The following EPS15 variants were observed in gnomAD, a reference collection of about 807,000 sequenced individuals.
EPS15 encodes the protein epidermal growth factor receptor substrate 15.
Under a neutral mutation model 113.8 loss-of-function variants are expected in EPS15, and 72 were observed. The observed-to-expected ratio is 0.63, with a 90% CI of 0.52 to 0.77. The LOEUF is 0.77. EPS15 is among the 30% of genes least tolerant of loss of function. The pLI, the probability that EPS15 is intolerant of heterozygous loss-of-function variation, is 0.00. For synonymous variants in EPS15, 344 were observed against 363.4 expected (o/e 0.95, Z 0.61); for missense variants, 1,048 against 1,045.8 (o/e 1.00, Z -0.03).
intron 5 of EPS15, among the ~76,000 whole-genome samples, chr1:51,465,767 C>T (rs1261450344): frequency 1.3e-5 from 2 of 151,920 alleles, no homozygotes; most frequent in Non-Finnish European, 2.9e-5. Context: ...TGCACGTAGG[C>T]AACAAATCCC....
intron 21 of EPS15, among the ~76,000 whole-genome samples, chr1:51,382,815 G>A (rs1646972691): frequency 6.6e-6 from 1 of 152,154 alleles, no homozygotes; most frequent in African/African-American, 2.4e-5. Flanking sequence ...AACATTTAAA[G>A]TATAATCAAA....
intron 12 of EPS15, among the ~76,000 whole-genome samples, chr1:51,434,954 G>A (rs1183212078): frequency 6.6e-6 from 1 of 152,052 alleles, no homozygotes; most frequent in East Asian, 1.9e-4. Context: ...TTACAGGCAT[G>A]AGCCACTGTG....
At chr1:51,426,738 G>C (rs913130262) in intron 12 of EPS15, among the ~76,000 whole-genome samples, 1 of 151,362 alleles carries the variant, frequency 6.6e-6, no homozygotes, top group African/African-American at 2.4e-5. Flanking sequence ...TCTTCACTGG[G>C]TCTCCAGCCT....
At chr1:51,365,287 G>A (rs1646484206) in intron 22 of EPS15, among the ~76,000 whole-genome samples, 1 of 152,102 alleles carries the variant, frequency 6.6e-6, no homozygotes, top group South Asian at 2.1e-4. Flanking sequence ...ATTGTGGGGG[G>A]CTAGAGAGTG....
chr1:51,437,142 A>C (rs922345188), intron 12 of EPS15, among the ~76,000 whole-genome samples: 1 of 152,176 alleles, frequency 6.6e-6, no homozygotes, highest in African/African-American at 2.4e-5. Context: ...CCAATGTCTT[A>C]TATTTTCTAC....
chr1:51,377,273 C>A (rs1212053632), intron 21 of EPS15, among the ~76,000 whole-genome samples: 1 of 152,050 alleles, frequency 6.6e-6, no homozygotes, highest in Non-Finnish European at 1.5e-5. Context: ...TCAAACAAAA[C>A]AAAACAAAAA....
chr1:51,422,285 C>T (rs1471581209), intron 12 of EPS15, among the ~76,000 whole-genome samples: 1 of 152,080 alleles, frequency 6.6e-6, no homozygotes, highest in African/African-American at 2.4e-5. Context: ...GTCAACAATA[C>T]TAAGGAAAAA....
At chr1:51,396,456 A>G (rs1198146393) in intron 20 of EPS15, among the ~76,000 whole-genome samples, 1 of 152,218 alleles carries the variant, frequency 6.6e-6, no homozygotes, top group Non-Finnish European at 1.5e-5. Flanking sequence ...GAGTGCTGAC[A>G]TGATACTCAG....
At chr1:51,408,064 T>C (rs368362560) in intron 15 of EPS15, 71 bp downstream of exon 15, 20 of 1,330,326 alleles carry the variant, frequency 1.5e-5, no homozygotes, top group African/African-American at 1.3e-4. Context: ...GGAGCAGAAG[T>C]TGGAAAGTAT....
chr1:51,398,211 G>A (rs371850840), intron 20 of EPS15, among the ~76,000 whole-genome samples: 118 of 152,132 alleles, frequency 7.8e-4, no homozygotes, highest in African/African-American at 2.7e-3. Context: ...CCACCACCGC[G>A]CCTGGCTAAT....
intron 21 of EPS15, chr1:51,372,431 C>T: frequency 1.9e-6 from 1 of 534,264 alleles, no homozygotes; most frequent in Non-Finnish European, 3.8e-6. Context: ...GTTCTGGAGT[C>T]CCTTTTGATG....
chr1:51,456,913 A>G (rs1328310105), intron 8 of EPS15, among the ~76,000 whole-genome samples: 1 of 152,208 alleles, frequency 6.6e-6, no homozygotes, highest in Non-Finnish European at 1.5e-5. Context: ...GAAAAATACC[A>G]AAACCAAAAG....
intron 21 of EPS15, among the ~76,000 whole-genome samples, chr1:51,391,113 AC>A (rs1463435002): frequency 6.6e-6 from 1 of 152,206 alleles, no homozygotes; most frequent in African/African-American, 2.4e-5. Flanking sequence ...GCACATATAC[AC>A]CATGGAATAC....
At chr1:51,476,867 T>G (rs948427530) in intron 2 of EPS15, among the ~76,000 whole-genome samples, 1 of 152,262 alleles carries the variant, frequency 6.6e-6, no homozygotes, top group African/African-American at 2.4e-5. Flanking sequence ...AGTATTTTAT[T>G]GAGGATTTTT....
At chr1:51,393,031 ATTCT>A (rs1647544330) in intron 21 of EPS15, among the ~76,000 whole-genome samples, 1 of 152,212 alleles carries the variant, frequency 6.6e-6, no homozygotes, top group Non-Finnish European at 1.5e-5. Context: ...ACTTGCTCTC[ATTCT>A]AAGTTTCTAT....
At chr1:51,394,150 T>C (rs900005861) in intron 21 of EPS15, 15 of 322,608 alleles carry the variant, frequency 4.6e-5, no homozygotes, top group African/African-American at 3.2e-4. Flanking sequence ...TTACTGATAC[T>C]GGGTAGAGTT....
chr1:51,361,159 C>A lies in EPS15; in HGVS notation c.2544+12G>T. On this transcript the variant is annotated intron_variant, in intron 24 of 24. Transcript: ENST00000371733. The stretch of plus-strand genomic sequence containing the variant: ...AGATTTCTCCCCCAAACAGCTCATT[C>A]ACAGTACTTACAGCACTGAAGTTGG... 6.3e-7 allele frequency: 1 copy of A among 1,595,598 alleles called. No homozygotes were observed. The highest frequency in any genetic ancestry group is 1.1e-5 in the South Asian group (1 of 89,240).
chr1:51,466,972 A>G (rs1570367208), intron 5 of EPS15, among the ~76,000 whole-genome samples: 1 of 152,280 alleles, frequency 6.6e-6, no homozygotes, highest in East Asian at 1.9e-4. Context: ...TCAATAAGTA[A>G]AAGAGCAACA....
At chr1:51,425,052 T>C (rs1651087659) in intron 12 of EPS15, among the ~76,000 whole-genome samples, 1 of 152,216 alleles carries the variant, frequency 6.6e-6, no homozygotes, top group African/African-American at 2.4e-5. Context: ...TCCTCTATTT[T>C]AGACTATCTT....
Sources: gnomAD v4.1 joint callset for allele counts (sites outside exome capture counted in the v4.1 genomes callset) on GRCh38, gnomAD v4.1.1 for gene constraint, MANE v1.5 for transcripts, NCBI Gene and HGNC (gene_info 2026-07-23, HGNC 2026-07-21) for gene names.